Variants in LCLAT1 observed in about 807,000 individuals in gnomAD.
The protein encoded by LCLAT1 is lysocardiolipin acyltransferase 1.
LCLAT1 carries 11 observed loss-of-function variants against 30.7 expected under a neutral mutation model. That is an observed-to-expected ratio of 0.36 (90% CI 0.23 to 0.59). The LOEUF (loss-of-function observed/expected upper bound fraction) is 0.59, where lower values mean the gene tolerates loss of function less well. Ranked by LOEUF, LCLAT1 falls within the 20% of genes least tolerant of loss-of-function variation. The probability of loss-of-function intolerance (pLI) is 0.77; values close to 1 mark genes in which losing one functional copy is unlikely to be tolerated. For missense variants in LCLAT1, 402 were observed against 458.6 expected, an observed-to-expected ratio of 0.88 and a Z score of 1.13; for synonymous variants, 155 against 151.3, an observed-to-expected ratio of 1.02 and a Z score of -0.18.
chr2:30,520,640 A>G (rs1685429585), intron 1 of LCLAT1, among the ~76,000 whole-genome samples: 1 of 152,228 alleles, frequency 6.6e-6, no homozygotes. Flanking sequence ...ACAGGTCGGC[A>G]TGTAAAATAT....
chr2:30,480,274 C>T (rs1027679960), intron 1 of LCLAT1, among the ~76,000 whole-genome samples: 5 of 152,040 alleles, frequency 3.3e-5, no homozygotes, highest in African/African-American at 9.7e-5. Context: ...TGCAGTGGCT[C>T]GATCTTGGAT....
chr2:30,639,703 G>C (rs1669207683), intron 5 of LCLAT1, among the ~76,000 whole-genome samples: 1 of 152,128 alleles, frequency 6.6e-6, no homozygotes, highest in Admixed American at 6.5e-5. Context: ...TGGTAACATT[G>C]GGTTAAAGGT....
At chr2:30,490,889 G>T (rs560078752) in intron 1 of LCLAT1, among the ~76,000 whole-genome samples, 1 of 152,226 alleles carries the variant, frequency 6.6e-6, no homozygotes, top group East Asian at 1.9e-4. Context: ...GAGATGTGTT[G>T]TAAGTATAAA....
intron 1 of LCLAT1, among the ~76,000 whole-genome samples, chr2:30,469,183 G>A (rs886788648): frequency 3.3e-5 from 5 of 152,028 alleles, no homozygotes; most frequent in Non-Finnish European, 4.4e-5. Context: ...CTTCCATTCT[G>A]TGGGTTGTCT....
intron 1 of LCLAT1, among the ~76,000 whole-genome samples, chr2:30,451,415 A>G (rs887202363): frequency 4.6e-5 from 7 of 152,252 alleles, no homozygotes; most frequent in Non-Finnish European, 1.0e-4. Flanking sequence ...ACTCAAGAGA[A>G]ACTAATGCAT....
chr2:30,546,412 C>A (rs972090428), intron 3 of LCLAT1, among the ~76,000 whole-genome samples: 2 of 152,074 alleles, frequency 1.3e-5, no homozygotes, highest in East Asian at 3.9e-4. Flanking sequence ...ATAAAAACAA[C>A]TCAGTTACAA....
chr2:30,477,071 C>T (rs1683080525), intron 1 of LCLAT1, among the ~76,000 whole-genome samples: 1 of 152,164 alleles, frequency 6.6e-6, no homozygotes, highest in Non-Finnish European at 1.5e-5. Flanking sequence ...TTCTTTAAAG[C>T]ATCCATTCTT....
chr2:30,638,765 C>A (rs960979332), intron 5 of LCLAT1, among the ~76,000 whole-genome samples: 3 of 97,914 alleles, frequency 3.1e-5, no homozygotes, highest in African/African-American at 1.1e-4. Context: ...TTGACTCCTC[C>A]CTGCTCCTCC....
At chr2:30,568,010 G>A in intron 4 of LCLAT1, 50 bp from the exon 5 acceptor site, 3 of 969,100 alleles carry the variant, frequency 3.1e-6, no homozygotes, top group Non-Finnish European at 4.7e-6. Flanking sequence ...TCCTTACCTT[G>A]TTTATTTCCC....
chr2:30,538,993 T>C (rs1291953260), intron 3 of LCLAT1, among the ~76,000 whole-genome samples: 2 of 150,356 alleles, frequency 1.3e-5, no homozygotes, highest in East Asian at 2.0e-4. Flanking sequence ...GTAGTCTGGC[T>C]CTGTCACCCA....
chr2:30,504,123 AAC>A (rs1224800747), intron 1 of LCLAT1, among the ~76,000 whole-genome samples: 17 of 151,812 alleles, frequency 1.1e-4, no homozygotes, highest in South Asian at 4.2e-4. Flanking sequence ...TGTATATATA[AAC>A]ACATATATTA....
intron 5 of LCLAT1, among the ~76,000 whole-genome samples, chr2:30,636,918 G>A (rs1669059478): frequency 6.6e-6 from 1 of 152,196 alleles, no homozygotes; most frequent in South Asian, 2.1e-4. Context: ...GGAGCTACAT[G>A]GGGAAAGGAG....
intron 1 of LCLAT1, among the ~76,000 whole-genome samples, chr2:30,494,861 T>C (rs1684025672): frequency 6.6e-6 from 1 of 151,754 alleles, no homozygotes; most frequent in Admixed American, 6.6e-5. Context: ...CTGATTTTTC[T>C]GTTTGGGGGG....
chr2:30,510,730 G>T (rs1038877662), intron 1 of LCLAT1, among the ~76,000 whole-genome samples: 1 of 151,970 alleles, frequency 6.6e-6, no homozygotes, highest in African/African-American at 2.4e-5. Flanking sequence ...TCGTGTCTTG[G>T]CCCTTTCATA....
intron 3 of LCLAT1, among the ~76,000 whole-genome samples, chr2:30,558,087 G>A (rs1665016598): frequency 6.6e-6 from 1 of 152,160 alleles, no homozygotes; most frequent in Non-Finnish European, 1.5e-5. Context: ...GTTTGGGATA[G>A]GCAGAGATTC....
intron 5 of LCLAT1, among the ~76,000 whole-genome samples, chr2:30,569,448 G>A (rs147717088): frequency 2.7e-4 from 41 of 152,302 alleles, no homozygotes; most frequent in African/African-American, 9.6e-4. Flanking sequence ...TAACAGAAGT[G>A]TGTTTGCACA....
chr2:30,504,690 T>G (rs1684570424), intron 1 of LCLAT1, among the ~76,000 whole-genome samples: 1 of 152,154 alleles, frequency 6.6e-6, no homozygotes, highest in African/African-American at 2.4e-5. Context: ...TACTTCTTTT[T>G]CCTCTCCCCT....
intron 3 of LCLAT1, among the ~76,000 whole-genome samples, chr2:30,546,190 C>T (rs1664401359): frequency 6.6e-6 from 1 of 152,106 alleles, no homozygotes; most frequent in African/African-American, 2.4e-5. Context: ...CATACGAAGA[C>T]TGTTATTGGA....
intron 1 of LCLAT1, among the ~76,000 whole-genome samples, chr2:30,479,962 A>T (rs1211963713): frequency 6.6e-6 from 1 of 152,232 alleles, no homozygotes; most frequent in Non-Finnish European, 1.5e-5. Flanking sequence ...AAATGGAAAT[A>T]ATCCCTGCCT....
Sources: allele counts gnomAD v4.1 joint callset (sites outside exome capture counted in the v4.1 genomes callset), GRCh38; gene constraint gnomAD v4.1.1; transcripts MANE v1.5; gene names NCBI Gene and HGNC (gene_info 2026-07-23, HGNC 2026-07-21).